MZT1: variants seen among roughly 807,000 people sequenced by gnomAD.
MZT1 encodes mitotic spindle organizing protein 1, also known as mitotic-spindle organizing protein 1.
A neutral mutation model predicts 8.5 loss-of-function variants in MZT1; 8 were observed. The ratio of observed to expected loss-of-function variants is 0.94; its 90% CI spans 0.55 to 1.70. The LOEUF (loss-of-function observed/expected upper bound fraction) is 1.70. Among genes scored for constraint, MZT1 ranks in the 40% most tolerant of loss-of-function variants. The pLI is 0.00. For missense variants in MZT1, 93 were observed against 108.6 expected, an observed-to-expected ratio of 0.86 and a Z score of 0.64; for synonymous variants, 38 against 42.0, an observed-to-expected ratio of 0.90 and a Z score of 0.37.
Position 72,713,105 on chromosome 13 carries a change from G to A in MZT1, c.226-2760C>T, listed in dbSNP as rs190508542. Among the ~76,000 whole-genome samples the A allele has an allele frequency of 1.6e-3, 237 of 152,236 alleles. 6 individuals carry two copies. The highest frequency in any genetic ancestry group is 0.015 in the Admixed American group (233 of 15,290). On this transcript the variant is annotated intron_variant, in intron 2 of 2. Transcript: ENST00000377818. ...AGGAATTCTTGAGATTTTACTGGAG[G>A]AGAAAACTTAGTAGTTAAGTAAACA...
At chr13:72,717,781 A>G (rs1272964539) in intron 2 of MZT1, among the ~76,000 whole-genome samples, 2 of 151,964 alleles carry the variant, frequency 1.3e-5, no homozygotes, top group African/African-American at 4.8e-5. Context: ...TCTCGAAAAA[A>G]CTCTGAAGCT....
intron 1 of MZT1, among the ~76,000 whole-genome samples, chr13:72,727,050 G>C (rs1466029324): frequency 6.6e-6 from 1 of 152,250 alleles, no homozygotes; most frequent in Non-Finnish European, 1.5e-5. Context: ...TAAGTGCGAA[G>C]AACAGGAGGC....
intron 2 of MZT1, among the ~76,000 whole-genome samples, chr13:72,714,664 T>C (rs1228495704): frequency 6.6e-6 from 1 of 152,174 alleles, no homozygotes; most frequent in Non-Finnish European, 1.5e-5. Flanking sequence ...TCCCAGCCAC[T>C]CTGGCTCCAG....
intron 2 of MZT1, among the ~76,000 whole-genome samples, chr13:72,714,727 A>C (rs550868206): frequency 3.5e-4 from 53 of 152,346 alleles, no homozygotes; most frequent in African/African-American, 1.2e-3. Flanking sequence ...CAGAGGATCC[A>C]AGACATAAGC....
intron 1 of MZT1, among the ~76,000 whole-genome samples, chr13:72,720,802 C>A (rs986845053): frequency 6.6e-6 from 1 of 152,168 alleles, no homozygotes; most frequent in East Asian, 1.9e-4. Flanking sequence ...GCAGGAGAAT[C>A]GCTTGAACCC....
At chr13:72,713,468 T>G (rs2032506903) in intron 2 of MZT1, among the ~76,000 whole-genome samples, 1 of 152,216 alleles carries the variant, frequency 6.6e-6, no homozygotes, top group Non-Finnish European at 1.5e-5. Context: ...GCATATAACC[T>G]ACATGTATCC....
rs2032452941 is a variant in MZT1, at chr13:72,708,466, T to C, written c.*1856A>G. 6.6e-6 allele frequency: 1 copy of C among 152,596 alleles called. No individual in the cohort carries two copies. Among genetic ancestry groups the C allele is most frequent in the Admixed American group, 6.5e-5 (1 of 15,278 alleles). 9.5% of individuals were successfully genotyped at this position (152,596 alleles called of 1,614,324 possible). On this transcript the variant is annotated 3_prime_UTR_variant, in exon 3 of 3. Transcript: ENST00000377818. ...TTCTTAAATATTACTTAAGTATGCA[T>C]TAAAAATATGTTTACATTTTAAAAA...
At chr13:72,718,918 C>T in intron 2 of MZT1, 34 bp downstream of exon 2, 1 of 1,528,230 alleles carries the variant, frequency 6.5e-7, no homozygotes, top group South Asian at 1.3e-5. Context: ...ATAAAAGCAT[C>T]TTTATTTAGA....
intron 2 of MZT1, among the ~76,000 whole-genome samples, chr13:72,717,373 C>T (rs2032546551): frequency 6.7e-6 from 1 of 148,570 alleles, no homozygotes; most frequent in Non-Finnish European, 1.5e-5. Context: ...GAGTTTCGCT[C>T]CTGTTGCCCA....
chr13:72,725,033 T>C (rs1176800305), intron 1 of MZT1, among the ~76,000 whole-genome samples: 1 of 144,028 alleles, frequency 6.9e-6, no homozygotes, highest in African/African-American at 2.6e-5. Flanking sequence ...GCCACTGCAC[T>C]CCAGCCAGAC....
At chr13:72,716,535 A>T (rs1357908078) in intron 2 of MZT1, among the ~76,000 whole-genome samples, 2 of 152,202 alleles carry the variant, frequency 1.3e-5, no homozygotes, top group Non-Finnish European at 2.9e-5. Context: ...TAAATAGTTG[A>T]TTTCTTAAAG....
chr13:72,718,386 T>G (rs911629844), intron 2 of MZT1, among the ~76,000 whole-genome samples: 2 of 152,212 alleles, frequency 1.3e-5, no homozygotes, highest in African/African-American at 2.4e-5. Context: ...ACATGCCTCT[T>G]CTGGAGCAGG....
At chr13:72,723,251 G>A (rs143545236) in intron 1 of MZT1, among the ~76,000 whole-genome samples, 11 of 152,156 alleles carry the variant, frequency 7.2e-5, no homozygotes, top group African/African-American at 2.4e-4. Context: ...CTCATTTGTG[G>A]TTTCTTCTTT....
At chr13:72,724,959 G>A (rs1407539677) in intron 1 of MZT1, among the ~76,000 whole-genome samples, 1 of 149,418 alleles carries the variant, frequency 6.7e-6, no homozygotes, top group African/African-American at 2.5e-5. Context: ...GGCCAAGGCA[G>A]GAGAATTGGT....
chr13:72,715,679 G>A (rs1017330117), intron 2 of MZT1, among the ~76,000 whole-genome samples: 4 of 152,064 alleles, frequency 2.6e-5, no homozygotes, highest in South Asian at 2.1e-4. Context: ...TGCTGTACTC[G>A]CTAAAGTGAG....
chr13:72,725,480 G>A (rs944236551), intron 1 of MZT1, among the ~76,000 whole-genome samples: 3 of 151,140 alleles, frequency 2.0e-5, no homozygotes, highest in Admixed American at 6.5e-5. Context: ...CAATTCACAT[G>A]ACTTAAAGGG....
intron 1 of MZT1, among the ~76,000 whole-genome samples, chr13:72,726,547 A>C (rs901576654): frequency 5.3e-5 from 8 of 152,174 alleles, no homozygotes; most frequent in African/African-American, 1.9e-4. Flanking sequence ...GAAAACGTCT[A>C]GGCCCACTGC....
chr13:72,720,409 C>T (rs1203656128), intron 1 of MZT1, among the ~76,000 whole-genome samples: 1 of 152,104 alleles, frequency 6.6e-6, no homozygotes, highest in Non-Finnish European at 1.5e-5. Flanking sequence ...AAACAAATTC[C>T]AACTGGATTC....
At chr13:72,723,633 T>G (rs1433697590) in intron 1 of MZT1, among the ~76,000 whole-genome samples, 3 of 152,220 alleles carry the variant, frequency 2.0e-5, no homozygotes, top group Non-Finnish European at 4.4e-5. Context: ...ATTATGTATG[T>G]GAAAATATTA....
Sources: allele counts gnomAD v4.1 joint callset (sites outside exome capture counted in the v4.1 genomes callset), GRCh38; gene constraint gnomAD v4.1.1; transcripts MANE v1.5; gene names NCBI Gene and HGNC (gene_info 2026-07-23, HGNC 2026-07-21).